The following PRKG1 variants were observed in gnomAD, a reference collection of about 807,000 sequenced individuals.
The protein encoded by PRKG1 is protein kinase cGMP-dependent 1.
A neutral mutation model predicts 88.1 loss-of-function variants in PRKG1; 35 were observed. That is an observed-to-expected ratio of 0.40 (90% CI 0.30 to 0.53). The LOEUF (loss-of-function observed/expected upper bound fraction) is 0.53, where lower values mean the gene tolerates loss of function less well. Among genes scored for constraint, PRKG1 ranks in the 20% least tolerant of loss-of-function variants. The pLI, the probability that PRKG1 is intolerant of heterozygous loss-of-function variation, is 0.59. For synonymous variants in PRKG1, 303 were observed against 292.5 expected (o/e 1.04, Z -0.37); for missense variants, 540 against 839.8 (o/e 0.64, Z 4.41).
At chr10:52,177,186 T>C (rs1294517698) in intron 9 of PRKG1, among the ~76,000 whole-genome samples, 1 of 152,118 alleles carries the variant, frequency 6.6e-6, no homozygotes, top group Non-Finnish European at 1.5e-5. Flanking sequence ...ATGTTCATTC[T>C]GTAACTAATT....
At chr10:52,080,894 A>C (rs1846755780) in intron 7 of PRKG1, among the ~76,000 whole-genome samples, 1 of 152,088 alleles carries the variant, frequency 6.6e-6, no homozygotes, top group African/African-American at 2.4e-5. Flanking sequence ...CAGAGTGTTG[A>C]TTACTGTGAG....
chr10:52,137,361 G>A (rs1395221139), intron 8 of PRKG1, among the ~76,000 whole-genome samples: 1 of 151,828 alleles, frequency 6.6e-6, no homozygotes, highest in Non-Finnish European at 1.5e-5. Context: ...TATGAATATT[G>A]TATAAAAAGA....
intron 4 of PRKG1, among the ~76,000 whole-genome samples, chr10:51,871,695 G>T (rs1841162968): frequency 6.6e-6 from 1 of 152,170 alleles, no homozygotes; most frequent in African/African-American, 2.4e-5. Flanking sequence ...AGTTCAGTGG[G>T]CCTGTGGGAA....
At chr10:51,938,558 C>A (rs746801422) in intron 5 of PRKG1, among the ~76,000 whole-genome samples, 1 of 151,984 alleles carries the variant, frequency 6.6e-6, no homozygotes, top group Non-Finnish European at 1.5e-5. Context: ...CAATCTTAAG[C>A]ATTCCTTTCT....
At chr10:52,139,717 G>A (rs1248485874) in intron 8 of PRKG1, among the ~76,000 whole-genome samples, 1 of 152,094 alleles carries the variant, frequency 6.6e-6, no homozygotes. Flanking sequence ...GGGGGGTAAA[G>A]CTCACCAAGG....
rs1184002768 is a variant in PRKG1 at position 50,991,129 on chromosome 10, G to A, written c.-250G>A. On this transcript the variant is annotated 5_prime_UTR_variant, in exon 1 of 18. Transcript: ENST00000401604. The surrounding 1 kb of genome is among the most constrained non-coding windows in gnomAD (Gnocchi z 4.5). ...CAGAGAGGCTGGAGATTAGCACTCT[G>A]CCTCTCCTCTCCATCGCTTTTAGAC... The A allele has an allele frequency of 4.2e-6, 2 of 473,312 alleles. No individual in the cohort carries two copies. The highest frequency in any genetic ancestry group is 7.4e-6 in the Non-Finnish European group (2 of 271,590). 29.3% of individuals were successfully genotyped at this position (473,312 alleles called of 1,614,324 possible).
chr10:52,089,229 C>A (rs1335193419), intron 7 of PRKG1, among the ~76,000 whole-genome samples: 1 of 152,080 alleles, frequency 6.6e-6, no homozygotes, highest in East Asian at 1.9e-4. Flanking sequence ...CTTCAAAGGG[C>A]AGAATGGAAT....
At chr10:52,231,596 CA>C (rs1364019630) in intron 9 of PRKG1, among the ~76,000 whole-genome samples, 1 of 152,110 alleles carries the variant, frequency 6.6e-6, no homozygotes, top group Non-Finnish European at 1.5e-5. Context: ...CGCTAGGTAA[CA>C]AATTTCATTC....
chr10:51,107,810 CAAAA>C (rs150587434), intron 1 of PRKG1, among the ~76,000 whole-genome samples: 575 of 63,276 alleles, frequency 9.1e-3, no homozygotes, highest in African/African-American at 0.031. Context: ...AACCCTGTCT[CAAAA>C]AAAAAAAAAA....
chr10:51,075,237 GC>G (rs1420583962), intron 1 of PRKG1, among the ~76,000 whole-genome samples: 3 of 152,152 alleles, frequency 2.0e-5, no homozygotes, highest in African/African-American at 7.2e-5. Context: ...GAAATAAAAA[GC>G]CCCCGTCTCC....
Position 51,438,991 on chromosome 10 carries a change from A to G in PRKG1, c.479-28732A>G, listed in dbSNP as rs562407721. ...AGCTAAAAACCACCTGGAACCAACA[A>G]CTAATTGGGATTTTTTTTTTTAAAA... On this transcript the variant is annotated intron_variant, in intron 2 of 17. Coordinates refer to ENST00000373980, the MANE Select transcript of PRKG1 (RefSeq NM_006258.4). Among the ~76,000 whole-genome samples, 4 of 148,036 alleles carry G rather than the reference A, an allele frequency of 2.7e-5. No individual in the cohort carries two copies. In the South Asian group the frequency reaches 8.6e-4, roughly 32 times the overall value.
At chr10:52,226,487 G>A (rs181100471) in intron 9 of PRKG1, among the ~76,000 whole-genome samples, 8 of 152,238 alleles carry the variant, frequency 5.3e-5, no homozygotes, top group Admixed American at 3.9e-4. Context: ...AACATGCAGA[G>A]CAAAGGTGAT....
At chr10:51,208,937 ATT>A (rs1343344483) in intron 2 of PRKG1, among the ~76,000 whole-genome samples, 1 of 152,136 alleles carries the variant, frequency 6.6e-6, no homozygotes, top group Non-Finnish European at 1.5e-5. Flanking sequence ...TCATCAATTT[ATT>A]TCTCTCCTGA....
At chr10:51,105,249 A>G (rs1844803562) in intron 1 of PRKG1, among the ~76,000 whole-genome samples, 1 of 152,234 alleles carries the variant, frequency 6.6e-6, no homozygotes, top group Non-Finnish European at 1.5e-5. Context: ...TAAATTGAAA[A>G]ACATTCTGGA....
At chr10:52,039,017 G>A (rs1845688342) in intron 5 of PRKG1, among the ~76,000 whole-genome samples, 4 of 152,224 alleles carry the variant, frequency 2.6e-5, no homozygotes, top group Admixed American at 2.6e-4. Flanking sequence ...GAGGACCTGA[G>A]GTCGTAGGTG....
intron 5 of PRKG1, among the ~76,000 whole-genome samples, chr10:52,050,621 C>G (rs559686743): frequency 3.4e-4 from 51 of 152,232 alleles, no homozygotes; most frequent in African/African-American, 1.2e-3. Flanking sequence ...ACCTAGAATG[C>G]CTTTGGCCAC....
rs538040909 is a variant in PRKG1 at position 51,168,692 on chromosome 10, A to G, written c.478+15362A>G. 8.5e-5 allele frequency among the ~76,000 whole-genome samples: 13 copies of G among 152,278 alleles called. 1 individual carries two copies. The highest frequency in any genetic ancestry group is 1.6e-4 in the Non-Finnish European group (11 of 67,998). Reference sequence around the variant, plus strand: ...ATGTGATTAGTTTAAGGTTCAACATATCAGATACTGATGTTTCTCCTCCAC... The same window carrying G: ...ATGTGATTAGTTTAAGGTTCAACATGTCAGATACTGATGTTTCTCCTCCAC... On this transcript the variant is annotated intron_variant, in intron 2 of 17. Coordinates refer to ENST00000373980, the MANE Select transcript of PRKG1 (RefSeq NM_006258.4).
intron 3 of PRKG1, among the ~76,000 whole-genome samples, chr10:51,584,428 A>G (rs555548463): frequency 9.9e-5 from 15 of 152,072 alleles, no homozygotes; most frequent in Admixed American, 9.8e-4. Context: ...TATAATTAAG[A>G]TTCTGCAAAG....
intron 3 of PRKG1, among the ~76,000 whole-genome samples, chr10:51,492,113 A>G (rs1429337314): frequency 1.3e-5 from 2 of 152,122 alleles, no homozygotes; most frequent in African/African-American, 4.8e-5. Flanking sequence ...CATGATGTGT[A>G]CGTGCTTAAA....
Sources: allele counts gnomAD v4.1 joint callset (sites outside exome capture counted in the v4.1 genomes callset), GRCh38; gene constraint gnomAD v4.1.1; non-coding constraint Gnocchi (gnomAD v3.1); transcripts MANE v1.5; gene names NCBI Gene and HGNC (gene_info 2026-07-23, HGNC 2026-07-21).